Variants in CDAN1 observed in about 807,000 individuals in gnomAD.
CDAN1 encodes the protein codanin 1.
Under a neutral mutation model 139.8 loss-of-function variants are expected in CDAN1, and 107 were observed. The observed-to-expected ratio is 0.77, with a 90% CI of 0.65 to 0.90. The LOEUF is 0.90. Among genes scored for constraint, CDAN1 ranks in the 40% least tolerant of loss-of-function variants. The pLI is 0.00. For missense variants in CDAN1, 1,667 were observed against 1,575.7 expected (o/e 1.06, Z -0.98); for synonymous variants, 776 against 660.6 (o/e 1.17, Z -2.68).
intron 10 of CDAN1, 98 bp from the exon 11 acceptor site, chr15:42,731,923 T>C: frequency 9.5e-7 from 1 of 1,053,758 alleles, no homozygotes; most frequent in East Asian, 2.5e-5. Context: ...ATTTAAGGAA[T>C]GCCAACTGTG....
chr15:42,724,085 T>TTAAC lies in CDAN1; in HGVS notation c.*402_*405dup, dbSNP rs2061492049. On this transcript the variant is annotated 3_prime_UTR_variant, in exon 28 of 28. Transcript: ENST00000356231. The stretch of plus-strand genomic sequence containing the variant: ...AATGTAGACTCCCAAGATTCATGTT[T>TTAAC]TAACTTTCTTCATAAGTTAAGCAGG... 3.4e-6 allele frequency: 1 copy of TTAAC among 293,084 alleles called. No homozygotes were observed. Among genetic ancestry groups the TTAAC allele is most frequent in the Non-Finnish European group, 6.7e-6 (1 of 149,370 alleles). 18.2% of individuals were successfully genotyped at this position (293,084 alleles called of 1,614,324 possible).
In CDAN1 at chr15:42,724,223, T is replaced by C. The variant is rs2061493572; in HGVS notation, c.*268A>G. 1 of 466,686 alleles carries C rather than the reference T, an allele frequency of 2.1e-6. No individual in the cohort carries two copies. Among genetic ancestry groups the C allele is most frequent in the South Asian group, 2.0e-5 (1 of 49,322 alleles). 28.9% of individuals were successfully genotyped at this position (466,686 alleles called of 1,614,324 possible). Reference sequence around the variant, plus strand: ...AGCCCACACACCTCATTTCATTTAGTATCCAAGAGATAAACAAACACCACC... The same window carrying C: ...AGCCCACACACCTCATTTCATTTAGCATCCAAGAGATAAACAAACACCACC... On this transcript the variant is annotated 3_prime_UTR_variant, in exon 28 of 28. Transcript: ENST00000356231.
Position 42,735,274 on chromosome 15 carries a change from A to G in CDAN1, c.1044T>C (p.Ser348=). The G allele has an allele frequency of 1.2e-6, 2 of 1,608,324 alleles. No homozygotes were observed. Among genetic ancestry groups the G allele is most frequent in the Non-Finnish European group, 1.7e-6 (2 of 1,176,906 alleles). The part of the protein sequence containing the change: ...VTAKDSDPEL[S]PAVLDSLESP... ...TTGCTCACTGACCTAGGACAGCTGG[A>G]CTTAGTTCAGGGTCGCTGTCCTTGG... is the stretch of plus-strand genomic sequence containing the variant. The change falls in exon 5 of 28, where the codon AGT becomes AGC. Residue 348 remains serine (S), a synonymous_variant. Transcript: ENST00000356231.
rs201778116 is a variant in CDAN1 at position 42,728,681 on chromosome 15, G to T, written c.2775C>A (p.His925Gln). ...GCCCCAGGGCCAATGCCTGGGCCCC[G>T]TGAGGGCACAGCTGGGAACACAAGA... ...LEILCSQLCP[H>Q]GAQALALGRE... Residue 925 changes from histidine (H) to glutamine (Q), a missense_variant, in exon 20 of 28, where the codon CAC becomes CAA. His to Gln is a conservative substitution (Grantham distance 24). This residue lies in a region of CDAN1 where 936 missense variants were observed against 844.1 expected (regional missense o/e 1.11). Transcript: ENST00000356231. The T allele has an allele frequency of 6.2e-6, 10 of 1,614,048 alleles. No homozygotes were observed. Among genetic ancestry groups the T allele is most frequent in the Non-Finnish European group, 8.5e-6 (10 of 1,180,040 alleles).
chr15:42,730,284 G>T (rs1196503479), intron 14 of CDAN1, 69 bp from the exon 15 acceptor site: 2 of 1,410,874 alleles, frequency 1.4e-6, no homozygotes, highest in Non-Finnish European at 2.0e-6. Context: ...AACGCCATCA[G>T]TGGAAACTGG....
At chr15:42,724,905 T>C (rs2061502411) in intron 27 of CDAN1, 1 of 616,374 alleles carries the variant, frequency 1.6e-6, no homozygotes, top group Non-Finnish European at 2.9e-6. Context: ...GTTATTCTAA[T>C]TTTAAAAACC....
At position 42,729,076 on chromosome 15, in the gene CDAN1, CCGGCGCAAGGAG is replaced by C; in HGVS notation, c.2580_2591del (p.Ser861_Arg864del). Reference sequence around the variant, plus strand: ...TTCTTTCTGCCACGAACTCTACGGTCCGGCGCAAGGAGGGCGGCTGGTTGTGGAAAAAGGCCT... The same window carrying C: ...TTCTTTCTGCCACGAACTCTACGGTCGGCGGCTGGTTGTGGAAAAAGGCCT... On this transcript the variant is annotated inframe_deletion, in exon 19 of 28. Transcript: ENST00000356231. 1 of 1,614,224 alleles carries C rather than the reference CCGGCGCAAGGAG, an allele frequency of 6.2e-7. No individual in the cohort carries two copies. Among genetic ancestry groups the C allele is most frequent in the Non-Finnish European group, 8.5e-7 (1 of 1,180,048 alleles).
chr15:42,725,741 C>T, intron 25 of CDAN1, 71 bp from the exon 26 acceptor site: 1 of 1,514,788 alleles, frequency 6.6e-7, no homozygotes, highest in Non-Finnish European at 9.1e-7. Context: ...ACCTATAATC[C>T]CAACACTTCG....
intron 21 of CDAN1, 23 bp from the exon 22 acceptor site, chr15:42,728,056 C>T (rs1566980955): frequency 6.2e-7 from 1 of 1,612,546 alleles, no homozygotes; most frequent in Non-Finnish European, 8.5e-7. Context: ...ACTACAGAGT[C>T]AGGGGCTAGG....
chr15:42,729,996 G>T, intron 15 of CDAN1, 111 bp from the exon 16 acceptor site: 1 of 1,204,298 alleles, frequency 8.3e-7, no homozygotes, highest in Non-Finnish European at 1.2e-6. Context: ...CCACCTCTGA[G>T]ATGATGGGAA....
At position 42,729,246 on chromosome 15, in the gene CDAN1, T is replaced by C. The variant is rs1445292852; in HGVS notation, c.2524A>G (p.Thr842Ala). 9 of 1,539,824 alleles carry C rather than the reference T, an allele frequency of 5.8e-6. No homozygotes were observed. The highest frequency in any genetic ancestry group is 7.9e-6 in the Non-Finnish European group (9 of 1,135,614). ...TTSLGAQPSQTSQGLQAQLAQ... is the reference protein window; with the variant it reads ...TTSLGAQPSQASQGLQAQLAQ... ...GCCCTTACCTGCAGCCCCTGGCTGG[T>C]CTGGGAAGGCTGGGCTCCCAGGCTG... Residue 842 changes from threonine to alanine, a missense_variant, in exon 18 of 28, where the codon ACC becomes GCC. By Grantham distance (58) the Thr-to-Ala change is moderately conservative (BLOSUM62 0). Transcript: ENST00000356231.
At position 42,724,511 on chromosome 15, in the gene CDAN1, T is replaced by C; in HGVS notation, c.3664A>G (p.Thr1222Ala). ...CAGCCCTAGCTCTGGGCCAGCACAG[T>C]GCCCCGGTTTGGCTGCACCAACTCA... ...ACELVQPNRG[T>A]VLAQS The change falls in exon 28 of 28, where the codon ACT (threonine) becomes GCT (alanine). Residue 1222 changes from threonine (T) to alanine (A), a missense_variant. Coordinates refer to ENST00000356231, the MANE Select transcript of CDAN1 (RefSeq NM_138477.4). 6.4e-7 allele frequency: 1 copy of C among 1,574,588 alleles called. No individual in the cohort carries two copies. Among genetic ancestry groups the C allele is most frequent in the Non-Finnish European group, 8.6e-7 (1 of 1,158,826 alleles).
rs1487742491 is a variant in CDAN1, at chr15:42,735,654, T to A, written c.799A>T (p.Thr267Ser). ...AATTCTGGGGTGGGACAGGTGGGGGTAGGTGACTGCTGCAGCTGCTTAGAG... is the reference window on the plus strand; with the variant it reads ...AATTCTGGGGTGGGACAGGTGGGGGAAGGTGACTGCTGCAGCTGCTTAGAG... ...ERSKQLQQSP[T>S]PTCPTPELGS... The change falls in exon 4 of 28, where the codon ACC becomes TCC. Residue 267 changes from threonine to serine, a missense_variant. Coordinates refer to ENST00000356231, the MANE Select transcript of CDAN1 (RefSeq NM_138477.4). 3.1e-6 allele frequency: 5 copies of A among 1,613,350 alleles called. No individual in the cohort carries two copies. Among genetic ancestry groups the A allele is most frequent in the Admixed American group, 3.3e-5 (2 of 59,970 alleles).
At chr15:42,730,000 A>T (rs1019926102) in intron 15 of CDAN1, 115 bp from the exon 16 acceptor site, 23 of 1,157,240 alleles carry the variant, frequency 2.0e-5, no homozygotes, top group African/African-American at 3.2e-5. Context: ...CTCTGAGATG[A>T]TGGGAATCCC....
In CDAN1 at chr15:42,736,347, A is replaced by G. The variant is rs1169088932; in HGVS notation, c.524T>C (p.Leu175Pro). The G allele has an allele frequency of 1.2e-6, 2 of 1,613,832 alleles. No homozygotes were observed. The highest frequency in any genetic ancestry group is 1.7e-6 in the Non-Finnish European group (2 of 1,179,962). The part of the protein sequence containing the change: ...TLSDPPNLSN[L>P]EEFPPVGSVP... ...CGAGCCTACGGGAGGGAACTCCTCC[A>G]GGTTGCTGAGGTTTGGCGGATCAGA... The change falls in exon 2 of 28, where the codon CTG becomes CCG. Residue 175 changes from leucine (L) to proline (P), a missense_variant. Physicochemically the swap from Leu to Pro is moderately conservative, Grantham distance 98 (BLOSUM62 -3). This residue lies in a region of CDAN1 where 487 missense variants were observed against 422.2 expected (regional missense o/e 1.15). Coordinates refer to ENST00000356231, the MANE Select transcript of CDAN1 (RefSeq NM_138477.4).
At position 42,725,664 on chromosome 15, in the gene CDAN1, T is replaced by G; in HGVS notation, c.3275A>C (p.Asp1092Ala). ...SVELASLLVA[D>A]QIPILGPPAQ... ...CGGGGGCCCTAGGATAGGAATTTGA[T>G]CTGCAACTGTGGAAAGAGGAAAGCC... The change falls in exon 26 of 28, where the codon GAT (aspartate) becomes GCT (alanine). Residue 1092 changes from aspartate (D) to alanine (A), a missense_variant. By Grantham distance (126) the Asp-to-Ala change is moderately radical (BLOSUM62 -2). Around this residue, in one of 3 missense-constraint regions of CDAN1, gnomAD observed 936 missense variants for 844.1 expected, o/e 1.11. Coordinates refer to ENST00000356231, the MANE Select transcript of CDAN1 (RefSeq NM_138477.4). 1 of 1,613,906 alleles carries G rather than the reference T, an allele frequency of 6.2e-7. No individual in the cohort carries two copies. Among genetic ancestry groups the G allele is most frequent in the African/African-American group, 1.3e-5 (1 of 74,950 alleles).
At chr15:42,729,922 A>ACGGGCCCCCCC in intron 15 of CDAN1, 37 bp from the exon 16 acceptor site, 24 of 1,512,628 alleles carry the variant, frequency 1.6e-5, no homozygotes, top group Admixed American at 3.5e-5. Context: ...AACTTCAGAG[A>ACGGGCCCCCCC]CCCCCACCCA....
intron 9 of CDAN1, 114 bp downstream of exon 9, chr15:42,732,983 C>G: frequency 1.2e-6 from 1 of 858,080 alleles, no homozygotes; most frequent in Non-Finnish European, 2.0e-6. Context: ...TAGTAGAAAA[C>G]AGCTAATGGC....
rs2061576113 is a variant in CDAN1 at position 42,729,244 on chromosome 15, G to A, written c.2526C>T (p.Thr842=). 6.2e-7 allele frequency: 1 copy of A among 1,613,622 alleles called. No homozygotes were observed. Among genetic ancestry groups the A allele is most frequent in the Non-Finnish European group, 8.5e-7 (1 of 1,179,922 alleles). ...CTGCCCTTACCTGCAGCCCCTGGCTGGTCTGGGAAGGCTGGGCTCCCAGGC... is the reference window on the plus strand; with the variant it reads ...CTGCCCTTACCTGCAGCCCCTGGCTAGTCTGGGAAGGCTGGGCTCCCAGGC... ...TTSLGAQPSQ[T]SQGLQAQLAQ... The change falls in exon 18 of 28, where the codon ACC becomes ACT. Residue 842 remains threonine (T), a synonymous_variant. Coordinates refer to ENST00000356231, the MANE Select transcript of CDAN1 (RefSeq NM_138477.4).
Sources: allele counts gnomAD v4.1 joint callset, GRCh38; gene constraint gnomAD v4.1.1; regional missense constraint gnomAD v4.1.1; transcripts MANE v1.5; gene names NCBI Gene and HGNC (gene_info 2026-07-23, HGNC 2026-07-21).